Variants in AJAP1 observed in about 807,000 individuals in gnomAD.
AJAP1 encodes adherens junction-associated protein 1.
In AJAP1, 5 loss-of-function variants were observed where a neutral mutation model predicts 35.0. The ratio of observed to expected loss-of-function variants is 0.14; its 90% CI spans 0.07 to 0.30. AJAP1 has a LOEUF of 0.30. AJAP1 is among the 10% of genes least tolerant of loss of function. AJAP1 has a pLI of 1.00. For missense variants in AJAP1, 586 were observed against 571.0 expected, an observed-to-expected ratio of 1.03 and a Z score of -0.27; for synonymous variants, 284 against 249.3, an observed-to-expected ratio of 1.14 and a Z score of -1.31.
intron 1 of AJAP1, among the ~76,000 whole-genome samples, chr1:4,682,586 G>A (rs1200993319): frequency 6.6e-6 from 1 of 152,198 alleles, no homozygotes; most frequent in East Asian, 1.9e-4. Flanking sequence ...AGACTGCATG[G>A]TGTGGTTCCT....
At chr1:4,677,871 C>G (rs1639396260) in intron 1 of AJAP1, among the ~76,000 whole-genome samples, 2 of 152,186 alleles carry the variant, frequency 1.3e-5, no homozygotes, top group Admixed American at 1.3e-4. Context: ...ACTATTGCTT[C>G]CAGTTGGAAT....
At position 4,787,374 on chromosome 1, in the gene AJAP1, AAGAG is replaced by A; in HGVS notation, c.*4892_*4895del. On this transcript the variant is annotated 3_prime_UTR_variant, in exon 6 of 6. Coordinates refer to ENST00000378191, the MANE Select transcript of AJAP1 (RefSeq NM_018836.4). ...GAGTGGGGGGCATTGAAGGGGAAGA[AAGAG>A]AGGCAGGGGTTGTCTACGTCTCCTC... The A allele has an allele frequency of 4.0e-6, 1 of 252,314 alleles. No homozygotes were observed. Among genetic ancestry groups the A allele is most frequent in the South Asian group, 3.7e-5 (1 of 26,766 alleles). 15.6% of individuals were successfully genotyped at this position (252,314 alleles called of 1,614,324 possible). A position where few individuals can be genotyped will look rare whatever the true frequency, so the allele number is the denominator to read the frequency against.
At chr1:4,673,843 C>T (rs1216549270) in intron 1 of AJAP1, among the ~76,000 whole-genome samples, 1 of 152,010 alleles carries the variant, frequency 6.6e-6, no homozygotes, top group African/African-American at 2.4e-5. Context: ...GTCATGGGCT[C>T]TGGAGAGGCT....
In AJAP1 at chr1:4,784,108, A is replaced by G. The variant is rs1332263623; in HGVS notation, c.*1623A>G. On this transcript the variant is annotated 3_prime_UTR_variant, in exon 6 of 6. Transcript: ENST00000378191. ...CTACTATAAACTACCCAGTGGAAAC[A>G]GGGGCCCCAGACCTGAGCCTCAGTA... The G allele has an allele frequency of 2.0e-5, 3 of 152,116 alleles. No individual in the cohort carries two copies. Among genetic ancestry groups the G allele is most frequent in the Non-Finnish European group, 4.4e-5 (3 of 68,026 alleles). 9.4% of individuals were successfully genotyped at this position (152,116 alleles called of 1,614,324 possible).
intron 2 of AJAP1, among the ~76,000 whole-genome samples, chr1:4,765,592 A>G (rs1641666540): frequency 6.6e-6 from 1 of 152,002 alleles, no homozygotes; most frequent in Non-Finnish European, 1.5e-5. Flanking sequence ...GACCAATAAG[A>G]TATGGTCTCT....
At chr1:4,679,808 G>GGTGTGTGTGTGTGTGTGTGTGT (rs60846836) in intron 1 of AJAP1, among the ~76,000 whole-genome samples, 2 of 142,324 alleles carry the variant, frequency 1.4e-5, no homozygotes, top group Non-Finnish European at 3.0e-5. Context: ...GAACCAATAG[G>GGTGTGTGTGTGTGTGTGTGTGT]GTGTGTGTGT....
At chr1:4,710,789 G>C (rs913042606) in intron 1 of AJAP1, among the ~76,000 whole-genome samples, 1 of 152,246 alleles carries the variant, frequency 6.6e-6, no homozygotes, top group Admixed American at 6.5e-5. Context: ...GAGGGAGCGT[G>C]GGCCTGGCTC....
chr1:4,661,546 C>T (rs1193943598), intron 1 of AJAP1, among the ~76,000 whole-genome samples: 3 of 152,256 alleles, frequency 2.0e-5, no homozygotes, highest in African/African-American at 4.8e-5. Context: ...AAGGTCCATT[C>T]GTGCTCCTTA....
rs774959047 is a variant in AJAP1, at chr1:4,769,904, T to C, written c.881T>C (p.Ile294Thr). The C allele has an allele frequency of 6.2e-7, 1 of 1,614,160 alleles. No individual in the cohort carries two copies. Among genetic ancestry groups the C allele is most frequent in the Non-Finnish European group, 8.5e-7 (1 of 1,180,004 alleles). ...ATCACCGTCTCCCTCATCATGGTCA[T>C]AGCTGCTCTCATCACAACTCTTGTC... Reference protein sequence around the residue: ...ITITVSLIMVIAALITTLVLK... With the variant: ...ITITVSLIMVTAALITTLVLK... Residue 294 changes from isoleucine to threonine, a missense_variant, in exon 3 of 6, where the codon ATA becomes ACA. Coordinates refer to ENST00000378191, the MANE Select transcript of AJAP1 (RefSeq NM_018836.4).
rs898799371 is a variant in AJAP1 at position 4,788,754 on chromosome 1, C to T, written c.*6269C>T. The T allele has an allele frequency of 6.6e-6, 1 of 152,110 alleles. No individual in the cohort carries two copies. Among genetic ancestry groups the T allele is most frequent in the Non-Finnish European group, 1.5e-5 (1 of 68,042 alleles). 9.4% of individuals were successfully genotyped at this position (152,110 alleles called of 1,614,324 possible). A position where few individuals can be genotyped will look rare whatever the true frequency, so the allele number is the denominator to read the frequency against. On this transcript the variant is annotated 3_prime_UTR_variant, in exon 6 of 6. Transcript: ENST00000378191. ...TAAGGGAGCGGTGTGCACAATGGCC[C>T]CCAGAATATCCAGTGACCCAAGTGA...
rs535818745 is a variant in AJAP1, at chr1:4,656,684, A to G, written c.29+1230A>G. On this transcript the variant is annotated intron_variant, in intron 1 of 5. Transcript: ENST00000378191. This position sits in a 1 kb window ranked among gnomAD's most constrained non-coding sequence, Gnocchi z 5.7. ...GAGCCGATTCTGCTCCCAGAGGTGA[A>G]TACTGTGTAACACATCTAGTGAACA... Among the ~76,000 whole-genome samples the G allele has an allele frequency of 6.6e-6, 1 of 152,136 alleles. No individual in the cohort carries two copies. Among genetic ancestry groups the G allele is most frequent in the African/African-American group, 2.4e-5 (1 of 41,524 alleles).
rs1642182671 is a variant in AJAP1 at position 4,787,735 on chromosome 1, G to C, written c.*5250G>C. On this transcript the variant is annotated 3_prime_UTR_variant, in exon 6 of 6. Coordinates refer to ENST00000378191, the MANE Select transcript of AJAP1 (RefSeq NM_018836.4). ...GCCAGGCCAAGCAGGTCTCAGGTCA[G>C]CCAGGTCTCAAGGAGGATAAGGGGG... 1 of 456,020 alleles carries C rather than the reference G, an allele frequency of 2.2e-6. No individual in the cohort carries two copies. The highest frequency in any genetic ancestry group is 4.4e-6 in the Non-Finnish European group (1 of 226,934). 28.2% of individuals were successfully genotyped at this position (456,020 alleles called of 1,614,324 possible).
intron 2 of AJAP1, among the ~76,000 whole-genome samples, chr1:4,761,896 G>T (rs1035218350): frequency 7.2e-5 from 11 of 152,126 alleles, no homozygotes; most frequent in Non-Finnish European, 1.0e-4. Flanking sequence ...GACTGAGGAT[G>T]GGTCTGCCTT....
At chr1:4,743,798 A>G (rs1641125041) in intron 2 of AJAP1, among the ~76,000 whole-genome samples, 1 of 152,178 alleles carries the variant, frequency 6.6e-6, no homozygotes, top group Non-Finnish European at 1.5e-5. Context: ...ACAATCCCTG[A>G]CTTACCTGGT....
At chr1:4,670,773 C>G (rs1277693585) in intron 1 of AJAP1, among the ~76,000 whole-genome samples, 3 of 152,238 alleles carry the variant, frequency 2.0e-5, no homozygotes, top group Non-Finnish European at 4.4e-5. Flanking sequence ...TGAAATTAAG[C>G]AAATTAACTG....
intron 2 of AJAP1, among the ~76,000 whole-genome samples, chr1:4,726,378 T>C (rs535654337): frequency 5.9e-5 from 9 of 152,138 alleles, no homozygotes; most frequent in Non-Finnish European, 1.3e-4. Flanking sequence ...GGAGAACCCT[T>C]GAATAATGGC....
intron 5 of AJAP1, among the ~76,000 whole-genome samples, chr1:4,780,780 C>A (rs145978167): frequency 1.3e-5 from 2 of 151,850 alleles, no homozygotes; most frequent in Non-Finnish European, 2.9e-5. Flanking sequence ...TACAGGTGTG[C>A]GCCCCCATGC....
At chr1:4,717,770 A>AT (rs1557624186) in intron 2 of AJAP1, among the ~76,000 whole-genome samples, 1 of 152,170 alleles carries the variant, frequency 6.6e-6, no homozygotes, top group African/African-American at 2.4e-5. Context: ...ATGGTGAACT[A>AT]TTTTCTAAAC....
At chr1:4,699,837 T>C (rs550133732) in intron 1 of AJAP1, among the ~76,000 whole-genome samples, 1 of 152,228 alleles carries the variant, frequency 6.6e-6, no homozygotes, top group Non-Finnish European at 1.5e-5. Flanking sequence ...ATGCCAACTC[T>C]TCCCCTAGGG....
Sources: allele counts gnomAD v4.1 joint callset (sites outside exome capture counted in the v4.1 genomes callset), GRCh38; gene constraint gnomAD v4.1.1; non-coding constraint Gnocchi (gnomAD v3.1); transcripts MANE v1.5; gene names NCBI Gene and HGNC (gene_info 2026-07-23, HGNC 2026-07-21).